The following SPAG16 variants were observed in gnomAD, a reference collection of about 807,000 sequenced individuals.
SPAG16 encodes the protein sperm associated antigen 16, also known as sperm-associated antigen 16 protein.
In SPAG16, 86 loss-of-function variants were observed where a neutral mutation model predicts 80.4. The ratio of observed to expected loss-of-function variants is 1.07; its 90% CI spans 0.90 to 1.28. The LOEUF (loss-of-function observed/expected upper bound fraction) is 1.28. Among genes scored for constraint, SPAG16 ranks in the 50% most tolerant of loss-of-function variants. The pLI is 0.00. For synonymous variants in SPAG16, 294 were observed against 265.9 expected (o/e 1.11, Z -1.03); for missense variants, 870 against 765.3 (o/e 1.14, Z -1.61).
At chr2:213,629,848 C>T (rs935588644) in intron 10 of SPAG16, among the ~76,000 whole-genome samples, 1 of 152,174 alleles carries the variant, frequency 6.6e-6, no homozygotes, top group African/African-American at 2.4e-5. Flanking sequence ...CTAGAAGCTG[C>T]TGTGTCTCCT....
chr2:213,733,612 T>C (rs1471234625), intron 10 of SPAG16, among the ~76,000 whole-genome samples: 1 of 151,984 alleles, frequency 6.6e-6, no homozygotes, highest in Non-Finnish European at 1.5e-5. Context: ...TCCAAGACTT[T>C]CTTGTATTTG....
intron 10 of SPAG16, among the ~76,000 whole-genome samples, chr2:213,730,845 G>T (rs1234550956): frequency 6.6e-6 from 1 of 151,620 alleles, no homozygotes; most frequent in Non-Finnish European, 1.5e-5. Context: ...ATGTTGTGTT[G>T]TTTTGTTTGT....
intron 10 of SPAG16, among the ~76,000 whole-genome samples, chr2:213,731,806 G>C (rs548685354): frequency 1.3e-5 from 2 of 152,156 alleles, no homozygotes; most frequent in South Asian, 4.2e-4. Flanking sequence ...CCTTTTTATG[G>C]CTGCATAGTA....
intron 10 of SPAG16, among the ~76,000 whole-genome samples, chr2:213,617,639 C>A (rs887368352): frequency 6.6e-6 from 1 of 152,060 alleles, no homozygotes; most frequent in African/African-American, 2.4e-5. Flanking sequence ...CTATGCCCGG[C>A]CCAAAATAAT....
chr2:213,504,710 G>A (rs1308700993), intron 10 of SPAG16, among the ~76,000 whole-genome samples: 1 of 152,158 alleles, frequency 6.6e-6, no homozygotes, highest in African/African-American at 2.4e-5. Flanking sequence ...AAAACTGTAT[G>A]TTCTATGAAG....
At chr2:214,107,629 A>G (rs1363381121) in intron 13 of SPAG16, among the ~76,000 whole-genome samples, 2 of 152,198 alleles carry the variant, frequency 1.3e-5, no homozygotes, top group Non-Finnish European at 2.9e-5. Flanking sequence ...GATAAGTTAA[A>G]TTGAATGAAT....
chr2:214,097,875 C>A (rs149656075), intron 13 of SPAG16, among the ~76,000 whole-genome samples: 135 of 152,044 alleles, frequency 8.9e-4, no homozygotes, highest in African/African-American at 3.2e-3. Context: ...GCAATCAAAG[C>A]ACTTTACACC....
intron 9 of SPAG16, among the ~76,000 whole-genome samples, chr2:213,466,595 G>T (rs564005300): frequency 6.6e-6 from 1 of 152,254 alleles, no homozygotes; most frequent in East Asian, 1.9e-4. Context: ...TTCACCTGTT[G>T]CCCTGGTCTC....
chr2:213,484,339 T>C (rs2073886116), intron 9 of SPAG16, among the ~76,000 whole-genome samples: 1 of 152,198 alleles, frequency 6.6e-6, no homozygotes, highest in South Asian at 2.1e-4. Flanking sequence ...ATTGAATAGA[T>C]ATATGAGTAA....
chr2:214,031,741 G>A (rs1273768250), intron 13 of SPAG16, among the ~76,000 whole-genome samples: 2 of 151,972 alleles, frequency 1.3e-5, no homozygotes, highest in Non-Finnish European at 2.9e-5. Flanking sequence ...CAGCTGGGGA[G>A]GTCTCAGGAA....
At chr2:213,400,222 T>A (rs1300426396) in intron 9 of SPAG16, among the ~76,000 whole-genome samples, 1 of 152,172 alleles carries the variant, frequency 6.6e-6, no homozygotes, top group East Asian at 1.9e-4. Context: ...TTTTTCCAGC[T>A]TCTTAAGTTG....
At chr2:213,751,684 T>A (rs1414733165) in intron 10 of SPAG16, among the ~76,000 whole-genome samples, 1 of 152,196 alleles carries the variant, frequency 6.6e-6, no homozygotes, top group East Asian at 1.9e-4. Context: ...CGCCTGAACT[T>A]AACCTTATAT....
intron 10 of SPAG16, among the ~76,000 whole-genome samples, chr2:213,596,721 C>G (rs116509310): frequency 1.3e-5 from 2 of 152,164 alleles, no homozygotes; most frequent in Non-Finnish European, 2.9e-5. Context: ...AAGTCAAAGA[C>G]AAAGATTGAG....
At chr2:214,242,905 G>A (rs1689593106) in intron 15 of SPAG16, among the ~76,000 whole-genome samples, 2 of 152,026 alleles carry the variant, frequency 1.3e-5, no homozygotes, top group African/African-American at 4.8e-5. Context: ...GTTTTATCCT[G>A]TTGATAAAAT....
Position 213,504,722 on chromosome 2 carries a change from T to C in SPAG16, c.1070+14632T>C, listed in dbSNP as rs568565639. On this transcript the variant is annotated intron_variant, in intron 10 of 15. Coordinates refer to ENST00000331683, the MANE Select transcript of SPAG16 (RefSeq NM_024532.5). Reference sequence around the variant, plus strand: ...TATAAAACTGTATGTTCTATGAAGATGTAAGAAAGAAAATATGGTGGAAAA... The same window carrying C: ...TATAAAACTGTATGTTCTATGAAGACGTAAGAAAGAAAATATGGTGGAAAA... Among the ~76,000 whole-genome samples the C allele has an allele frequency of 3.7e-4, 57 of 152,236 alleles. No homozygotes were observed. The South Asian group carries it at 0.011, about 30-fold the overall frequency.
intron 11 of SPAG16, among the ~76,000 whole-genome samples, chr2:213,864,288 A>G (rs1371015585): frequency 6.6e-6 from 1 of 152,152 alleles, no homozygotes; most frequent in East Asian, 1.9e-4. Flanking sequence ...TGGAATTTAA[A>G]TTTGTAATAT....
intron 15 of SPAG16, among the ~76,000 whole-genome samples, chr2:214,394,699 G>T (rs1701265872): frequency 1.3e-5 from 2 of 152,110 alleles, no homozygotes; most frequent in Non-Finnish European, 2.9e-5. Flanking sequence ...TGCCAGAGTG[G>T]CACATGTGTT....
At chr2:213,537,707 C>T (rs992383125) in intron 10 of SPAG16, among the ~76,000 whole-genome samples, 3 of 152,084 alleles carry the variant, frequency 2.0e-5, no homozygotes, top group Admixed American at 1.3e-4. Context: ...GTTTAGTTTA[C>T]AATCTACATA....
intron 10 of SPAG16, among the ~76,000 whole-genome samples, chr2:213,816,862 C>T (rs563853853): frequency 6.6e-6 from 1 of 151,872 alleles, no homozygotes; most frequent in African/African-American, 2.4e-5. Flanking sequence ...AGTATTCCAC[C>T]TGTGAAGCCC....
Sources: allele counts gnomAD v4.1 joint callset (sites outside exome capture counted in the v4.1 genomes callset), GRCh38; gene constraint gnomAD v4.1.1; transcripts MANE v1.5; gene names NCBI Gene and HGNC (gene_info 2026-07-23, HGNC 2026-07-21).